RGPD4: variants seen among roughly 807,000 people sequenced by gnomAD.
RGPD4 encodes the protein ranBP2-like and GRIP domain-containing protein 4.
Under a neutral mutation model 141.1 loss-of-function variants are expected in RGPD4, and 84 were observed. The ratio of observed to expected loss-of-function variants is 0.60; its 90% confidence interval spans 0.50 to 0.71. The LOEUF (loss-of-function observed/expected upper bound fraction) is 0.71. RGPD4 is among the 30% of genes least tolerant of loss of function. The probability of loss-of-function intolerance (pLI) is 0.00; values close to 1 mark genes in which losing one functional copy is unlikely to be tolerated. For missense variants in RGPD4, 918 were observed against 1,622.4 expected, an observed-to-expected ratio of 0.57 and a Z score of 7.46; for synonymous variants, 298 against 566.8, an observed-to-expected ratio of 0.53 and a Z score of 6.74.
In RGPD4 at chr2:107,891,237, C is replaced by T. The variant is rs1420449642; in HGVS notation, c.*506C>T. ...CTTTGGGAGGCTGAGGCTGGAGAAT[C>T]GTTTGAGGCTAGTGAGCTGTGATTG... On this transcript the variant is annotated 3_prime_UTR_variant, in exon 23 of 23. Coordinates refer to ENST00000408999, the MANE Select transcript of RGPD4 (RefSeq NM_182588.3). Among the ~76,000 whole-genome samples, 149 of 136,930 alleles carry T rather than the reference C, an allele frequency of 1.1e-3. 1 individual carries two copies. Among genetic ancestry groups the T allele is most frequent in the African/African-American group, 4.3e-3 (141 of 32,754 alleles). The allele number at this position is 136,930 out of a possible 152,430, so 89.8% of individuals were successfully genotyped here.
rs1417959797 is a variant in RGPD4 at position 107,852,987 on chromosome 2, TA to T, written c.979-1567del. 2.0e-5 allele frequency among the ~76,000 whole-genome samples: 3 copies of T among 151,190 alleles called. No homozygotes were observed. The Admixed American group carries it at 2.0e-4, about 10-fold the overall frequency. On this transcript the variant is annotated intron_variant, in intron 7 of 22. Coordinates refer to ENST00000408999, the MANE Select transcript of RGPD4 (RefSeq NM_182588.3). ...TTTTTTTTTTAAATGCTACTTCAAGTAATTTAGCAATGATTAACTTGTGCCA... is the reference window on the plus strand; with the variant it reads ...TTTTTTTTTTAAATGCTACTTCAAGTATTTAGCAATGATTAACTTGTGCCA...
Position 107,854,607 on chromosome 2 carries a change from C to A in RGPD4, c.1030C>A (p.Leu344Met). Residue 344 changes from leucine (L) to methionine (M), a missense_variant, in exon 8 of 23, where the codon CTG becomes ATG. By Grantham distance (15) the Leu-to-Met change is conservative. Transcript: ENST00000408999. The stretch of plus-strand genomic sequence containing the variant: ...AAAAGGTGAAGCTGGACAAAATCTG[C>A]TGGAAATGATGGCCTGTGACCGACT... ...LIKGEAGQNL[L>M]EMMACDRLSQ... 1.3e-6 allele frequency: 2 copies of A among 1,539,456 alleles called. No individual in the cohort carries two copies. The highest frequency in any genetic ancestry group is 2.4e-5 in the South Asian group (2 of 83,258).
At chr2:107,887,473 G>T (rs1011118604) in intron 22 of RGPD4, among the ~76,000 whole-genome samples, 6 of 151,784 alleles carry the variant, frequency 4.0e-5, no homozygotes, top group Non-Finnish European at 4.4e-5. Flanking sequence ...CTTTCTGTGG[G>T]TTTGGGTGTA....
At chr2:107,852,250 CAAA>C (rs374226591) in intron 7 of RGPD4, among the ~76,000 whole-genome samples, 38 of 114,970 alleles carry the variant, frequency 3.3e-4, no homozygotes, top group Middle Eastern at 9.2e-3. Context: ...GACTCCATCT[CAAA>C]AAAAAAAAAA....
chr2:107,832,824 C>CTT (rs1187807500), intron 1 of RGPD4, among the ~76,000 whole-genome samples: 9 of 151,286 alleles, frequency 5.9e-5, no homozygotes, highest in Admixed American at 4.6e-4. Flanking sequence ...TTCTTGGTAA[C>CTT]AAAGGTTTTC....
chr2:107,844,290 G>C (rs905601468), intron 6 of RGPD4, among the ~76,000 whole-genome samples: 4 of 151,858 alleles, frequency 2.6e-5, no homozygotes, highest in African/African-American at 9.7e-5. Flanking sequence ...TTTGTATAAA[G>C]ATGTTAGTTT....
At chr2:107,858,034 G>A (rs963210399) in intron 9 of RGPD4, among the ~76,000 whole-genome samples, 4 of 151,888 alleles carry the variant, frequency 2.6e-5, no homozygotes, top group African/African-American at 9.7e-5. Flanking sequence ...ACTGCATCTG[G>A]CCATATTTTT....
intron 6 of RGPD4, among the ~76,000 whole-genome samples, chr2:107,844,820 T>C (rs1681858048): frequency 1.1e-5 from 1 of 87,980 alleles, no homozygotes; most frequent in Non-Finnish European, 2.6e-5. Flanking sequence ...TCTTTCTTTC[T>C]TTCTTTTTTG....
intron 9 of RGPD4, among the ~76,000 whole-genome samples, chr2:107,857,983 C>T (rs1439546370): frequency 5.3e-5 from 8 of 151,994 alleles, no homozygotes; most frequent in Non-Finnish European, 1.5e-5. Context: ...AGCGAGACTT[C>T]GTCTCAAAAA....
intron 22 of RGPD4, among the ~76,000 whole-genome samples, chr2:107,886,008 G>A (rs1242994435): frequency 6.6e-6 from 1 of 150,856 alleles, no homozygotes; most frequent in South Asian, 2.1e-4. Flanking sequence ...AGCCGAGATG[G>A]TGCCATTGCA....
At chr2:107,858,466 TCTCA>T (rs1362928609) in intron 9 of RGPD4, among the ~76,000 whole-genome samples, 2 of 151,022 alleles carry the variant, frequency 1.3e-5, no homozygotes, top group African/African-American at 4.9e-5. Flanking sequence ...TGAGACAGAG[TCTCA>T]CTCTGTCACC....
At chr2:107,854,443 A>G in intron 7 of RGPD4, 113 bp from the exon 8 acceptor site, 1 of 752,500 alleles carries the variant, frequency 1.3e-6, no homozygotes, top group Non-Finnish European at 2.2e-6. Context: ...AGTTTAATTA[A>G]TGGTTAACTG....
intron 9 of RGPD4, among the ~76,000 whole-genome samples, chr2:107,857,858 G>A (rs1682380934): frequency 6.6e-6 from 1 of 151,764 alleles, no homozygotes; most frequent in South Asian, 2.1e-4. Context: ...CGGGGGTGGT[G>A]GCATGTGCCT....
rs886066030 is a variant in RGPD4, at chr2:107,890,658, G to A, written c.5267-63G>A. 9.5e-6 allele frequency: 13 copies of A among 1,372,748 alleles called. No homozygotes were observed. In the African/African-American group the frequency reaches 1.7e-4, roughly 18 times the overall value. 85.0% of individuals were successfully genotyped at this position (1,372,748 alleles called of 1,614,324 possible). On this transcript the variant is annotated intron_variant, in intron 22 of 22. Transcript: ENST00000408999. ...TATTGTAGAGTGGTTCTAAAATATA[G>A]ATTTTACATTGAGAAATTTTAATAC...
At chr2:107,880,566 A>G (rs2104515163) in intron 21 of RGPD4, among the ~76,000 whole-genome samples, 1 of 151,738 alleles carries the variant, frequency 6.6e-6, no homozygotes, top group Admixed American at 6.6e-5. Flanking sequence ...TCCAGCCAAA[A>G]TACTTCTTTT....
intron 1 of RGPD4, among the ~76,000 whole-genome samples, chr2:107,828,288 G>A (rs1681309915): frequency 2.4e-5 from 1 of 41,456 alleles, no homozygotes; most frequent in Admixed American, 1.7e-4. Context: ...GACGGGCGCT[G>A]CTCCCTGGCG....
chr2:107,831,941 C>A (rs1441137117), intron 1 of RGPD4, among the ~76,000 whole-genome samples: 1 of 136,738 alleles, frequency 7.3e-6, no homozygotes, highest in Non-Finnish European at 1.6e-5. Flanking sequence ...GTTTGCCCCT[C>A]ATTCTTTCAG....
Position 107,871,076 on chromosome 2 carries a change from T to C in RGPD4, c.3072T>C (p.Asp1024=), listed in dbSNP as rs1682891799. 2.5e-6 allele frequency: 4 copies of C among 1,607,652 alleles called. No individual in the cohort carries two copies. Among genetic ancestry groups the C allele is most frequent in the South Asian group, 1.1e-5 (1 of 87,802 alleles). The change falls in exon 20 of 23, where the codon GAT becomes GAC. Residue 1024 remains aspartate, a synonymous_variant. Coordinates refer to ENST00000408999, the MANE Select transcript of RGPD4 (RefSeq NM_182588.3). Reference sequence around the variant, plus strand: ...ACACTTCCGGTGACTTTGAGAAAGATGATGATGCCTATAAGACTGAGGACA... The same window carrying C: ...ACACTTCCGGTGACTTTGAGAAAGACGATGATGCCTATAAGACTGAGGACA... ...KANTSGDFEK[D]DDAYKTEDSD...
chr2:107,860,466 CA>C (rs1176081865), intron 12 of RGPD4, among the ~76,000 whole-genome samples: 12 of 122,484 alleles, frequency 9.8e-5, no homozygotes, highest in African/African-American at 3.2e-4. Context: ...ACTAAAAATA[CA>C]AAAAAAACTC....
Sources: allele counts gnomAD v4.1 joint callset (sites outside exome capture counted in the v4.1 genomes callset), GRCh38; gene constraint gnomAD v4.1.1; transcripts MANE v1.5; gene names NCBI Gene and HGNC (gene_info 2026-07-23, HGNC 2026-07-21).